Variants in SMARCC1 observed in about 807,000 individuals in gnomAD.
The protein encoded by SMARCC1 is SWI/SNF complex subunit SMARCC1.
Under a neutral mutation model 147.4 loss-of-function variants are expected in SMARCC1, and 43 were observed. That is an observed-to-expected ratio of 0.29 (90% CI 0.23 to 0.38). SMARCC1 has a LOEUF of 0.38. Ranked by LOEUF, SMARCC1 falls within the 10% of genes least tolerant of loss-of-function variation. The probability of loss-of-function intolerance (pLI) is 1.00; values close to 1 mark genes in which losing one functional copy is unlikely to be tolerated. For missense variants in SMARCC1, 1,119 were observed against 1,381.1 expected, an observed-to-expected ratio of 0.81 and a Z score of 3.01; for synonymous variants, 495 against 484.4, an observed-to-expected ratio of 1.02 and a Z score of -0.29.
chr3:47,595,891 C>G (rs955075075), intron 26 of SMARCC1, among the ~76,000 whole-genome samples: 23 of 151,730 alleles, frequency 1.5e-4, no homozygotes, highest in Admixed American at 2.6e-4. Flanking sequence ...CGTGCCACCA[C>G]GCCCAGCTAA....
intron 24 of SMARCC1, among the ~76,000 whole-genome samples, chr3:47,626,234 C>T (rs2032807402): frequency 6.6e-6 from 1 of 151,512 alleles, no homozygotes; most frequent in Non-Finnish European, 1.5e-5. Context: ...GTAACCTCCG[C>T]CTTCTAGGTT....
chr3:47,619,402 G>A (rs1336429223), intron 25 of SMARCC1, among the ~76,000 whole-genome samples: 1 of 152,214 alleles, frequency 6.6e-6, no homozygotes. Context: ...CTCTGGTACA[G>A]AAATGCGAAC....
chr3:47,701,540 C>T (rs1430947259), intron 10 of SMARCC1, 138 bp from the exon 11 acceptor site: 3 of 799,208 alleles, frequency 3.8e-6, no homozygotes, highest in Admixed American at 2.5e-5. Flanking sequence ...GTAGGTCGGT[C>T]GCGGTGGTTC....
chr3:47,606,724 G>A (rs555549929), intron 26 of SMARCC1, among the ~76,000 whole-genome samples: 18 of 151,960 alleles, frequency 1.2e-4, no homozygotes, highest in Admixed American at 1.2e-3. Flanking sequence ...TCAGAGACAG[G>A]GTCTCACTCT....
chr3:47,711,793 T>C (rs62262131), intron 8 of SMARCC1, among the ~76,000 whole-genome samples: 2,970 of 152,304 alleles, frequency 0.02, 40 homozygotes, highest in Non-Finnish European at 0.032. Context: ...TTGAAAACTA[T>C]AGTTACACAG....
intron 12 of SMARCC1, among the ~76,000 whole-genome samples, chr3:47,689,989 T>C (rs1447826843): frequency 1.3e-5 from 2 of 152,218 alleles, no homozygotes; most frequent in African/African-American, 4.8e-5. Flanking sequence ...TACATTATTA[T>C]ATGCCTGTAA....
chr3:47,701,041 A>G (rs912494016), intron 11 of SMARCC1, among the ~76,000 whole-genome samples: 5 of 152,162 alleles, frequency 3.3e-5, no homozygotes, highest in Admixed American at 6.5e-5. Context: ...AAAACCATTA[A>G]TTTTAAAACA....
At chr3:47,773,135 TC>T (rs1485850229) in intron 1 of SMARCC1, among the ~76,000 whole-genome samples, 199 bp from the exon 2 acceptor site, 9 of 152,210 alleles carry the variant, frequency 5.9e-5, no homozygotes, top group African/African-American at 1.9e-4. Context: ...ATTTTTTTTT[TC>T]TTTTCTTTGA....
intron 10 of SMARCC1, among the ~76,000 whole-genome samples, chr3:47,702,256 T>C (rs568373594): frequency 5.4e-4 from 79 of 147,000 alleles, no homozygotes; most frequent in Non-Finnish European, 1.1e-3. Flanking sequence ...ACCCCAGTGA[T>C]GATTCTTTAC....
intron 26 of SMARCC1, chr3:47,603,663 T>C (rs925491297): frequency 1.3e-5 from 3 of 230,742 alleles, no homozygotes; most frequent in African/African-American, 2.3e-5. Context: ...GGCAGTCTTA[T>C]AGGGAGAATC....
chr3:47,706,290 T>C (rs532693612), intron 10 of SMARCC1, 119 bp downstream of exon 10: 320 of 923,044 alleles, frequency 3.5e-4, no homozygotes, highest in Non-Finnish European at 4.2e-4. Flanking sequence ...CAGGCTGGAT[T>C]TGAACTACTG....
In SMARCC1 at chr3:47,635,287, C is replaced by T. The variant is rs559901830; in HGVS notation, c.2549G>A (p.Ser850Asn). Reference sequence around the variant, plus strand: ...TTCTACTTTCTTCTTCCCAGTATCACTTTCTCTTTCTTTACATGTATCAGT... The same window carrying T: ...TTCTACTTTCTTCTTCCCAGTATCATTTTCTCTTTCTTTACATGTATCAGT... ...ELTDTCKERE[S>N]DTGKKKVEHE... The change falls in exon 24 of 28, where the codon AGT becomes AAT. Residue 850 changes from serine (S) to asparagine (N), a missense_variant. This residue lies in a region of SMARCC1 where 157 missense variants were observed against 158.6 expected (regional missense o/e 0.99). Coordinates refer to ENST00000254480, the MANE Select transcript of SMARCC1 (RefSeq NM_003074.4). 1.7e-5 allele frequency: 27 copies of T among 1,612,902 alleles called. No individual in the cohort carries two copies. The African/African-American group carries it at 3.1e-4, about 18-fold the overall frequency.
At chr3:47,700,046 T>C (rs957163366) in intron 11 of SMARCC1, among the ~76,000 whole-genome samples, 2 of 152,010 alleles carry the variant, frequency 1.3e-5, no homozygotes, top group Non-Finnish European at 2.9e-5. Flanking sequence ...GCTCACAGAA[T>C]AGTAAAATAA....
chr3:47,699,697 C>T (rs2033895284), intron 11 of SMARCC1, among the ~76,000 whole-genome samples: 1 of 152,044 alleles, frequency 6.6e-6, no homozygotes, highest in African/African-American at 2.4e-5. Flanking sequence ...CAGTGCCCAT[C>T]TTAATTATCA....
At chr3:47,701,249 C>T in intron 11 of SMARCC1, 29 bp downstream of exon 11, 1 of 1,599,980 alleles carries the variant, frequency 6.3e-7, no homozygotes, top group Non-Finnish European at 8.6e-7. Flanking sequence ...TAAATTAAAT[C>T]TAACACTCTC....
chr3:47,652,949 CTTTTTT>C (rs55872948), intron 21 of SMARCC1, among the ~76,000 whole-genome samples: 5 of 129,676 alleles, frequency 3.9e-5, no homozygotes, highest in Non-Finnish European at 8.0e-5. Context: ...GCTTTACTTT[CTTTTTT>C]TTTTTTTTTT....
chr3:47,661,083 G>GT (rs1249451197), intron 21 of SMARCC1, among the ~76,000 whole-genome samples: 4 of 151,914 alleles, frequency 2.6e-5, no homozygotes, highest in Non-Finnish European at 5.9e-5. Context: ...ATTCACAACT[G>GT]TAATACCATT....
chr3:47,729,113 A>G lies in SMARCC1; in HGVS notation c.577-19T>C, dbSNP rs1271648340. On this transcript the variant is annotated intron_variant, in intron 5 of 27. Coordinates refer to ENST00000254480, the MANE Select transcript of SMARCC1 (RefSeq NM_003074.4). Reference sequence around the variant, plus strand: ...ATGTTCCCTGGAAAGCAAATGAACAAAAACCACAAAAATAAAGCACATGGC... The same window carrying G: ...ATGTTCCCTGGAAAGCAAATGAACAGAAACCACAAAAATAAAGCACATGGC... 2 of 1,566,082 alleles carry G rather than the reference A, an allele frequency of 1.3e-6. No individual in the cohort carries two copies. The highest frequency in any genetic ancestry group is 4.5e-5 in the East Asian group (2 of 44,520).
At chr3:47,597,637 A>AT (rs1179825147) in intron 26 of SMARCC1, among the ~76,000 whole-genome samples, 2 of 151,758 alleles carry the variant, frequency 1.3e-5, no homozygotes, top group Non-Finnish European at 2.9e-5. Flanking sequence ...ACGCCAGCTA[A>AT]TTTTTTATAG....
Sources: gnomAD v4.1 joint callset for allele counts (sites outside exome capture counted in the v4.1 genomes callset) on GRCh38, gnomAD v4.1.1 for gene constraint, gnomAD v4.1.1 regional missense constraint, MANE v1.5 for transcripts, NCBI Gene and HGNC (gene_info 2026-07-23, HGNC 2026-07-21) for gene names.